MAST4: variants seen among roughly 807,000 people sequenced by gnomAD.
MAST4 encodes microtubule-associated serine/threonine-protein kinase 4.
In MAST4, 89 loss-of-function variants were observed where a neutral mutation model predicts 162.7. That is an observed-to-expected ratio of 0.55 (90% confidence interval 0.46 to 0.65). The LOEUF (loss-of-function observed/expected upper bound fraction) is 0.65, where lower values mean the gene tolerates loss of function less well. Ranked by LOEUF, MAST4 falls within the 30% of genes least tolerant of loss-of-function variation. The pLI is 0.00. For missense variants in MAST4, 3,153 were observed against 3,374.0 expected (o/e 0.93, Z 1.62); for synonymous variants, 1,479 against 1,361.1 (o/e 1.09, Z -1.91).
At chr5:66,804,409 C>T (rs949943720) in intron 3 of MAST4, among the ~76,000 whole-genome samples, 2 of 152,110 alleles carry the variant, frequency 1.3e-5, no homozygotes, top group African/African-American at 4.8e-5. Flanking sequence ...ACTGCAGGTC[C>T]GATGTCTGTC....
chr5:66,894,657 G>A (rs919229281), intron 3 of MAST4, among the ~76,000 whole-genome samples: 4 of 152,226 alleles, frequency 2.6e-5, no homozygotes, highest in Admixed American at 1.3e-4. Context: ...TGATGATGGG[G>A]AAGTGCATGA....
intron 4 of MAST4, among the ~76,000 whole-genome samples, chr5:67,037,033 G>C (rs1039316493): frequency 1.3e-5 from 2 of 152,090 alleles, no homozygotes; most frequent in African/African-American, 4.8e-5. Context: ...TAATTGGCTT[G>C]ATTAGAAACA....
intron 1 of MAST4, among the ~76,000 whole-genome samples, chr5:66,601,607 G>C (rs1463304250): frequency 1.3e-5 from 2 of 152,132 alleles, no homozygotes; most frequent in Non-Finnish European, 2.9e-5. Context: ...GGAAGGACAG[G>C]TGTGATCCAG....
At chr5:66,665,707 T>C (rs1188412742) in intron 1 of MAST4, among the ~76,000 whole-genome samples, 1 of 152,194 alleles carries the variant, frequency 6.6e-6, no homozygotes, top group Non-Finnish European at 1.5e-5. Context: ...GAGATTTGAA[T>C]CACATTTTCT....
In MAST4 at chr5:66,871,118, G is replaced by A. The variant is rs7448882; in HGVS notation, c.643-28833G>A. On this transcript the variant is annotated intron_variant, in intron 3 of 28. Transcript: ENST00000403625. Reference sequence around the variant, plus strand: ...TCCCTGGTGTAGATACTCCCACCCTGGCCAGTTTCCGGTACCAGTGTGACA... The same window carrying A: ...TCCCTGGTGTAGATACTCCCACCCTAGCCAGTTTCCGGTACCAGTGTGACA... Among the ~76,000 whole-genome samples the A allele has an allele frequency of 2.3e-3, 340 of 150,472 alleles. 4 individuals carry two copies. Among genetic ancestry groups the A allele is most frequent in the African/African-American group, 7.9e-3 (322 of 40,836 alleles).
chr5:66,855,352 A>G (rs1455337012), intron 3 of MAST4, among the ~76,000 whole-genome samples: 1 of 152,202 alleles, frequency 6.6e-6, no homozygotes, highest in East Asian at 1.9e-4. Flanking sequence ...CCAGAAGCTG[A>G]GCAGATGCCA....
chr5:66,616,212 T>A (rs538985381), intron 1 of MAST4, among the ~76,000 whole-genome samples: 1 of 152,222 alleles, frequency 6.6e-6, no homozygotes, highest in Non-Finnish European at 1.5e-5. Context: ...GTCCGTCACT[T>A]TATTACGTGG....
chr5:67,165,695 C>G lies in MAST4; in HGVS notation c.6516C>G (p.Pro2172=). Reference sequence around the variant, plus strand: ...GGGCCAAGCCCAGCACTGCAGAGCCCAGCTCGAGCCCCCAGGACCCTCCCA... The same window carrying G: ...GGGCCAAGCCCAGCACTGCAGAGCCGAGCTCGAGCCCCCAGGACCCTCCCA... ...EPGAKPSTAE[P]SSSPQDPPKP... The change falls in exon 29 of 29, where the codon CCC becomes CCG. Residue 2172 remains proline, a synonymous_variant. Transcript: ENST00000403625. The G allele has an allele frequency of 6.3e-7, 1 of 1,580,932 alleles. No individual in the cohort carries two copies. Among genetic ancestry groups the G allele is most frequent in the Non-Finnish European group, 8.6e-7 (1 of 1,164,492 alleles).
At chr5:66,636,976 A>T (rs546272989) in intron 1 of MAST4, among the ~76,000 whole-genome samples, 1 of 152,364 alleles carries the variant, frequency 6.6e-6, no homozygotes, top group East Asian at 1.9e-4. Context: ...AAATACAAAA[A>T]TAATCATTTG....
intron 3 of MAST4, among the ~76,000 whole-genome samples, chr5:66,814,594 A>G (rs758229632): frequency 1.2e-4 from 18 of 152,216 alleles, no homozygotes; most frequent in Non-Finnish European, 1.9e-4. Flanking sequence ...TGAAGGTGGT[A>G]GTTTGTCCAC....
intron 2 of MAST4, among the ~76,000 whole-genome samples, chr5:66,772,364 C>CCA (rs1351676475): frequency 1.3e-5 from 2 of 152,090 alleles, no homozygotes; most frequent in African/African-American, 4.8e-5. Context: ...AGATTTTACC[C>CCA]TCTTATAGGA....
intron 3 of MAST4, among the ~76,000 whole-genome samples, chr5:66,879,620 C>T (rs966676555): frequency 6.6e-6 from 1 of 152,136 alleles, no homozygotes; most frequent in African/African-American, 2.4e-5. Flanking sequence ...TCAGGTGATC[C>T]TCCCAAGTCA....
At chr5:67,069,637 T>C (rs943638416) in intron 5 of MAST4, among the ~76,000 whole-genome samples, 2 of 152,092 alleles carry the variant, frequency 1.3e-5, no homozygotes, top group Non-Finnish European at 1.5e-5. Flanking sequence ...GGAAGGAATT[T>C]TGAGAGGAAA....
intron 1 of MAST4, among the ~76,000 whole-genome samples, chr5:66,736,179 G>T (rs776767860): frequency 4.6e-5 from 7 of 152,062 alleles, no homozygotes; most frequent in Non-Finnish European, 7.4e-5. Context: ...CATAAACATT[G>T]TTATAGAAGT....
intron 1 of MAST4, among the ~76,000 whole-genome samples, chr5:66,644,978 T>G: frequency 1.4e-5 from 2 of 146,516 alleles, no homozygotes; most frequent in African/African-American, 5.1e-5. Flanking sequence ...GGATTAGAGG[T>G]GGGGTCAGTG....
At chr5:67,001,761 G>A (rs1425542389) in intron 4 of MAST4, 1 of 152,198 alleles carries the variant, frequency 6.6e-6, no homozygotes, top group Non-Finnish European at 1.5e-5. Flanking sequence ...ACCACCTACA[G>A]GTTGTGTTCT....
chr5:67,078,665 A>ATT (rs1554093690), intron 5 of MAST4, among the ~76,000 whole-genome samples: 2 of 135,828 alleles, frequency 1.5e-5, no homozygotes, highest in East Asian at 4.1e-4. Flanking sequence ...TATTTATTTT[A>ATT]TATTTATATT....
chr5:66,951,638 G>A (rs73768715), intron 4 of MAST4, among the ~76,000 whole-genome samples: 2,060 of 149,478 alleles, frequency 0.014, 52 homozygotes, highest in African/African-American at 0.049. Context: ...GTGTGTGTGT[G>A]TGTGTGTGTG....
At position 66,596,522 on chromosome 5, in the gene MAST4, C is replaced by T. The variant is rs1043245772; in HGVS notation, c.-134C>T. 1.1e-4 allele frequency: 124 copies of T among 1,120,390 alleles called. No homozygotes were observed. The African/African-American group carries it at 1.9e-3, about 17-fold the overall frequency. The allele number at this position is 1,120,390 out of a possible 1,614,324, so 69.4% of individuals were successfully genotyped here. ...CGGCCCCGTCACTGCCATGTAGTCG[C>T]TGGCGGGGCTCCCTGCAGCCCGGGA... On this transcript the variant is annotated 5_prime_UTR_variant, in exon 1 of 29. Transcript: ENST00000403625.
Sources: gnomAD v4.1 joint callset for allele counts (sites outside exome capture counted in the v4.1 genomes callset) on GRCh38, gnomAD v4.1.1 for gene constraint, MANE v1.5 for transcripts, NCBI Gene and HGNC (gene_info 2026-07-23, HGNC 2026-07-21) for gene names.